Variants in EPHA6 observed in about 807,000 individuals in gnomAD.
EPHA6 encodes ephrin type-A receptor 6.
In EPHA6, 50 loss-of-function variants were observed where a neutral mutation model predicts 112.0. The observed-to-expected ratio is 0.45, with a 90% CI of 0.36 to 0.56. The LOEUF (loss-of-function observed/expected upper bound fraction) is 0.56, where lower values mean the gene tolerates loss of function less well. Among genes scored for constraint, EPHA6 ranks in the 20% least tolerant of loss-of-function variants. EPHA6 has a pLI of 0.00. For synonymous variants in EPHA6, 529 were observed against 490.7 expected (o/e 1.08, Z -1.03); for missense variants, 1,280 against 1,417.4 (o/e 0.90, Z 1.56).
intron 9 of EPHA6, among the ~76,000 whole-genome samples, chr3:97,480,235 A>ATT (rs756776169): frequency 0.19 from 28,164 of 149,264 alleles, 3,920 homozygotes; most frequent in African/African-American, 0.38. Flanking sequence ...TTATTTATTT[A>ATT]TTTTTTTTAG....
intron 11 of EPHA6, among the ~76,000 whole-genome samples, chr3:97,584,094 C>G (rs145991018): frequency 2.8e-4 from 43 of 152,236 alleles, no homozygotes; most frequent in African/African-American, 1.0e-3. Context: ...GCTATTTATA[C>G]TATTTGAGTG....
At chr3:97,680,857 A>C (rs2031805140) in intron 14 of EPHA6, among the ~76,000 whole-genome samples, 1 of 152,208 alleles carries the variant, frequency 6.6e-6, no homozygotes, top group African/African-American at 2.4e-5. Context: ...TACTTTTTAC[A>C]AAAGTGAACA....
intron 3 of EPHA6, among the ~76,000 whole-genome samples, chr3:97,067,241 T>C (rs987296250): frequency 6.6e-6 from 1 of 152,086 alleles, no homozygotes; most frequent in African/African-American, 2.4e-5. Context: ...CATCCTATAA[T>C]CTCTTGAATA....
At chr3:97,274,555 G>C (rs1229205061) in intron 5 of EPHA6, among the ~76,000 whole-genome samples, 2 of 152,186 alleles carry the variant, frequency 1.3e-5, no homozygotes, top group African/African-American at 4.8e-5. Context: ...TATAAATATT[G>C]ATGCGTAGTC....
intron 3 of EPHA6, among the ~76,000 whole-genome samples, chr3:97,055,824 T>C (rs951702374): frequency 2.0e-5 from 3 of 152,148 alleles, no homozygotes; most frequent in African/African-American, 7.2e-5. Flanking sequence ...ATGACAATAA[T>C]GAAAAGCTTA....
chr3:96,829,358 A>C (rs1017062477), intron 1 of EPHA6, among the ~76,000 whole-genome samples: 1 of 152,110 alleles, frequency 6.6e-6, no homozygotes, highest in South Asian at 2.1e-4. Context: ...CCTAGGGAGA[A>C]TAAATAATTA....
chr3:97,646,972 C>T (rs1046095398), intron 14 of EPHA6, among the ~76,000 whole-genome samples: 7 of 152,110 alleles, frequency 4.6e-5, no homozygotes, highest in Non-Finnish European at 7.4e-5. Flanking sequence ...ACATGACATA[C>T]TGGGCAAAGC....
chr3:97,160,078 C>A (rs2076377275), intron 3 of EPHA6, among the ~76,000 whole-genome samples: 1 of 152,078 alleles, frequency 6.6e-6, no homozygotes, highest in African/African-American at 2.4e-5. Flanking sequence ...GAATAGAAGT[C>A]CATGTTGCTG....
chr3:97,375,591 G>T (rs1361475985), intron 5 of EPHA6, among the ~76,000 whole-genome samples: 1 of 152,068 alleles, frequency 6.6e-6, no homozygotes, highest in Non-Finnish European at 1.5e-5. Flanking sequence ...AAGAAAAACG[G>T]TCAGTGCATA....
intron 3 of EPHA6, among the ~76,000 whole-genome samples, chr3:97,112,271 G>A (rs769789955): frequency 6.6e-6 from 1 of 152,144 alleles, no homozygotes; most frequent in Non-Finnish European, 1.5e-5. Flanking sequence ...CAAAAGGTTA[G>A]CATGGGATAG....
At chr3:97,514,846 A>T (rs558876491) in intron 10 of EPHA6, among the ~76,000 whole-genome samples, 3 of 152,272 alleles carry the variant, frequency 2.0e-5, no homozygotes, top group Admixed American at 2.0e-4. Flanking sequence ...CCGGGAAGAG[A>T]GCTCTTATCA....
In EPHA6 at chr3:97,304,471, A is replaced by G. The variant is rs141431365; in HGVS notation, c.1606+60184A>G. Among the ~76,000 whole-genome samples, 561 of 152,048 alleles carry G rather than the reference A, an allele frequency of 3.7e-3. 1 individual carries two copies. The highest frequency in any genetic ancestry group is 0.012 in the African/African-American group (517 of 41,556). On this transcript the variant is annotated intron_variant, in intron 5 of 17. Transcript: ENST00000389672. ...TAAGCAAAAGAACAAAGCTGGAGGC[A>G]TCACATTTTCCAACTTCAAACTATA... is the stretch of plus-strand genomic sequence containing the variant.
chr3:97,494,325 A>G (rs775304048), intron 10 of EPHA6, among the ~76,000 whole-genome samples: 22 of 152,154 alleles, frequency 1.4e-4, no homozygotes, highest in Admixed American at 3.3e-4. Flanking sequence ...AGAATCTTAT[A>G]AACTTTCCTC....
At chr3:97,445,466 AC>A (rs2090308649) in intron 6 of EPHA6, among the ~76,000 whole-genome samples, 1 of 152,196 alleles carries the variant, frequency 6.6e-6, no homozygotes, top group Non-Finnish European at 1.5e-5. Flanking sequence ...TTTAAATCAT[AC>A]TTTTAGATAT....
intron 2 of EPHA6, among the ~76,000 whole-genome samples, chr3:96,925,435 G>C (rs971679992): frequency 2.6e-5 from 4 of 152,112 alleles, no homozygotes; most frequent in Non-Finnish European, 5.9e-5. Context: ...TTTGCATAGA[G>C]ATGTTTATAG....
chr3:97,560,997 C>T (rs1424607294), intron 11 of EPHA6, among the ~76,000 whole-genome samples: 1 of 151,852 alleles, frequency 6.6e-6, no homozygotes, highest in Non-Finnish European at 1.5e-5. Context: ...ACTATTATAA[C>T]AGTTTTGGGA....
At chr3:97,566,801 C>T (rs1383284509) in intron 11 of EPHA6, among the ~76,000 whole-genome samples, 3 of 152,150 alleles carry the variant, frequency 2.0e-5, no homozygotes, top group South Asian at 4.1e-4. Context: ...TCTATATGGA[C>T]ACCTTCTGTA....
intron 1 of EPHA6, among the ~76,000 whole-genome samples, chr3:96,854,590 G>T (rs1366840383): frequency 6.6e-6 from 1 of 152,018 alleles, no homozygotes; most frequent in Non-Finnish European, 1.5e-5. Context: ...GAACCTAGTG[G>T]ATTGTTTTTA....
At chr3:96,994,504 T>C (rs2043330080) in intron 3 of EPHA6, among the ~76,000 whole-genome samples, 1 of 151,888 alleles carries the variant, frequency 6.6e-6, no homozygotes, top group East Asian at 1.9e-4. Flanking sequence ...ATGGAAGAAA[T>C]AATTGGAAAC....
Sources: gnomAD v4.1 joint callset for allele counts (sites outside exome capture counted in the v4.1 genomes callset) on GRCh38, gnomAD v4.1.1 for gene constraint, MANE v1.5 for transcripts, NCBI Gene and HGNC (gene_info 2026-07-23, HGNC 2026-07-21) for gene names.